Variants in ETV6 observed in about 807,000 individuals in gnomAD.
The protein encoded by ETV6 is ETS variant transcription factor 6, also known as transcription factor ETV6.
A neutral mutation model predicts 51.1 loss-of-function variants in ETV6; 16 were observed. That is an observed-to-expected ratio of 0.31 (90% CI 0.21 to 0.48). The LOEUF is 0.48. Ranked by LOEUF, ETV6 falls within the 20% of genes least tolerant of loss-of-function variation. ETV6 has a pLI of 0.99. For synonymous variants in ETV6, 240 were observed against 224.1 expected, an observed-to-expected ratio of 1.07 and a Z score of -0.64; for missense variants, 458 against 594.8, an observed-to-expected ratio of 0.77 and a Z score of 2.39.
At chr12:11,797,953 G>A (rs1306405729) in intron 2 of ETV6, among the ~76,000 whole-genome samples, 1 of 152,172 alleles carries the variant, frequency 6.6e-6, no homozygotes, top group Admixed American at 6.5e-5. Flanking sequence ...TGTGTGATGG[G>A]TTTATTTGGG....
At chr12:11,670,005 AC>A (rs1407602942) in intron 1 of ETV6, among the ~76,000 whole-genome samples, 2 of 150,796 alleles carry the variant, frequency 1.3e-5, no homozygotes, top group African/African-American at 5.0e-5. Context: ...TACCCCAATC[AC>A]ATTCCTTCCC....
At chr12:11,822,742 G>A (rs1467255161) in intron 2 of ETV6, among the ~76,000 whole-genome samples, 2 of 152,220 alleles carry the variant, frequency 1.3e-5, no homozygotes, top group Non-Finnish European at 2.9e-5. Context: ...AGAGAAGAGG[G>A]AGTGGGGGAA....
intron 3 of ETV6, among the ~76,000 whole-genome samples, chr12:11,851,431 A>G (rs1310394312): frequency 6.6e-6 from 1 of 152,228 alleles, no homozygotes; most frequent in African/African-American, 2.4e-5. Flanking sequence ...GTATGAGATT[A>G]AAATATGAAT....
At chr12:11,654,713 A>C (rs1002854030) in intron 1 of ETV6, among the ~76,000 whole-genome samples, 1 of 152,104 alleles carries the variant, frequency 6.6e-6, no homozygotes. Context: ...ATTTGCATCA[A>C]TATATGTATA....
At chr12:11,691,348 C>T (rs897477719) in intron 1 of ETV6, among the ~76,000 whole-genome samples, 3 of 152,188 alleles carry the variant, frequency 2.0e-5, no homozygotes, top group Non-Finnish European at 2.9e-5. Context: ...TGGAGCATAA[C>T]CTGCGTCTGA....
intron 2 of ETV6, among the ~76,000 whole-genome samples, chr12:11,762,882 C>T (rs1052910906): frequency 2.0e-5 from 3 of 152,268 alleles, no homozygotes; most frequent in Non-Finnish European, 4.4e-5. Flanking sequence ...CCTTAAGTAG[C>T]TCTTAAGTCA....
At position 11,673,642 on chromosome 12, in the gene ETV6, C is replaced by T. The variant is rs889648439; in HGVS notation, c.33+23482C>T. On this transcript the variant is annotated intron_variant, in intron 1 of 7. Transcript: ENST00000396373. ...GAAATCAATATTTTTTCCTACTAGG[C>T]CCTCCGAATGTCATCTTTGTAGTTG... 2.0e-5 allele frequency among the ~76,000 whole-genome samples: 3 copies of T among 152,248 alleles called. No homozygotes were observed. The South Asian group carries it at 6.2e-4, about 32-fold the overall frequency.
In ETV6 at chr12:11,653,122, A is replaced by G. The variant is rs554382442; in HGVS notation, c.33+2962A>G. Reference sequence around the variant, plus strand: ...AGTTCAAATGCTTCAATTCCTGACCATTTGGGGTCGTTTAAATGGAAGGAA... The same window carrying G: ...AGTTCAAATGCTTCAATTCCTGACCGTTTGGGGTCGTTTAAATGGAAGGAA... On this transcript the variant is annotated intron_variant, in intron 1 of 7. Coordinates refer to ENST00000396373, the MANE Select transcript of ETV6 (RefSeq NM_001987.5). Among the ~76,000 whole-genome samples, 343 of 152,240 alleles carry G rather than the reference A, an allele frequency of 2.3e-3. 2 individuals are homozygous for G. Among genetic ancestry groups the G allele is most frequent in the African/African-American group, 7.8e-3 (323 of 41,550 alleles).
intron 1 of ETV6, among the ~76,000 whole-genome samples, chr12:11,678,550 A>C (rs944141139): frequency 1.3e-5 from 2 of 152,154 alleles, no homozygotes; most frequent in Non-Finnish European, 2.9e-5. Context: ...TTCTGCTCCG[A>C]TTATATCCCT....
At chr12:11,860,964 C>T (rs1946707488) in intron 4 of ETV6, among the ~76,000 whole-genome samples, 1 of 152,198 alleles carries the variant, frequency 6.6e-6, no homozygotes, top group South Asian at 2.1e-4. Context: ...ACTATGATTT[C>T]TGTGGGAAAA....
At chr12:11,737,977 G>A (rs1030668381) in intron 1 of ETV6, among the ~76,000 whole-genome samples, 4 of 152,140 alleles carry the variant, frequency 2.6e-5, no homozygotes, top group Admixed American at 2.6e-4. Flanking sequence ...GGGGAGGAAA[G>A]CCAATAACGA....
intron 1 of ETV6, among the ~76,000 whole-genome samples, chr12:11,692,964 C>G (rs1185393102): frequency 2.0e-5 from 3 of 152,106 alleles, no homozygotes; most frequent in Non-Finnish European, 4.4e-5. Context: ...CACCTGAGCC[C>G]AGGAGGTTGA....
chr12:11,718,135 AGTG>A (rs1865313555), intron 1 of ETV6, among the ~76,000 whole-genome samples: 1 of 152,234 alleles, frequency 6.6e-6, no homozygotes, highest in South Asian at 2.1e-4. Flanking sequence ...TCCAAAAACT[AGTG>A]GTCCAAAGTG....
intron 2 of ETV6, among the ~76,000 whole-genome samples, chr12:11,778,366 TGAG>T (rs1189756577): frequency 2.0e-5 from 3 of 152,224 alleles, no homozygotes; most frequent in Non-Finnish European, 2.9e-5. Context: ...GTGAGCCACT[TGAG>T]GAGAGGTGTC....
chr12:11,757,945 G>A (rs568530324), intron 2 of ETV6, among the ~76,000 whole-genome samples: 10 of 152,276 alleles, frequency 6.6e-5, no homozygotes, highest in African/African-American at 2.4e-4. Flanking sequence ...TTGTTCTCTT[G>A]CGAGCTCAGG....
intron 3 of ETV6, among the ~76,000 whole-genome samples, chr12:11,848,611 C>CGT (rs988312164): frequency 1.3e-5 from 2 of 152,286 alleles, no homozygotes; most frequent in Non-Finnish European, 2.9e-5. Context: ...TCTGTGTGTG[C>CGT]GTGTGTGTGC....
chr12:11,813,292 C>G (rs1262129684), intron 2 of ETV6, among the ~76,000 whole-genome samples: 1 of 152,338 alleles, frequency 6.6e-6, no homozygotes, highest in East Asian at 1.9e-4. Context: ...CCCAGCCCAC[C>G]CGCCAGGGGC....
At chr12:11,657,831 G>C (rs1264023179) in intron 1 of ETV6, among the ~76,000 whole-genome samples, 1 of 152,184 alleles carries the variant, frequency 6.6e-6, no homozygotes, top group Non-Finnish European at 1.5e-5. Flanking sequence ...ATTTTCTTCT[G>C]TCTTATGTTG....
rs1211050123 is a variant in ETV6, at chr12:11,869,163, G to C, written c.464-261G>C. 2.6e-5 allele frequency among the ~76,000 whole-genome samples: 4 copies of C among 151,824 alleles called. No homozygotes were observed. Among genetic ancestry groups the C allele is most frequent in the Non-Finnish European group, 5.9e-5 (4 of 67,978 alleles). On this transcript the variant is annotated intron_variant, in intron 4 of 7. Coordinates refer to ENST00000396373, the MANE Select transcript of ETV6 (RefSeq NM_001987.5). The surrounding 1 kb of genome is among the most constrained non-coding windows in gnomAD (Gnocchi z 5.0). ...AGGCCGGAGAATGGCATGAACCCGGGAGGCAGAGCTTGCAGTGAGCCGAGA... is the reference window on the plus strand; with the variant it reads ...AGGCCGGAGAATGGCATGAACCCGGCAGGCAGAGCTTGCAGTGAGCCGAGA...
Sources: gnomAD v4.1 joint callset for allele counts (sites outside exome capture counted in the v4.1 genomes callset) on GRCh38, gnomAD v4.1.1 for gene constraint, Gnocchi (gnomAD v3.1) non-coding constraint, MANE v1.5 for transcripts, NCBI Gene and HGNC (gene_info 2026-07-23, HGNC 2026-07-21) for gene names.